MRPL3: variants seen among roughly 807,000 people sequenced by gnomAD.
MRPL3 encodes mitochondrial ribosomal protein L3.
A neutral mutation model predicts 44.3 loss-of-function variants in MRPL3; 43 were observed. The ratio of observed to expected loss-of-function variants is 0.97; its 90% CI spans 0.76 to 1.25. The LOEUF (loss-of-function observed/expected upper bound fraction) is 1.25. MRPL3 is among the 50% of genes most tolerant of loss of function. The pLI, the probability that MRPL3 is intolerant of heterozygous loss-of-function variation, is 0.00. For missense variants in MRPL3, 406 were observed against 427.6 expected (o/e 0.95, Z 0.45); for synonymous variants, 171 against 152.3 (o/e 1.12, Z -0.91).
Position 131,502,906 on chromosome 3 carries a change from G to T in MRPL3, c.-85C>A. On this transcript the variant is annotated 5_prime_UTR_variant, in exon 1 of 10. Transcript: ENST00000264995. ...GGAGTCCCCACGCCACCGCCACGTG[G>T]ACGCAGTAGCCGTGGGGAAGTTTTC... The T allele has an allele frequency of 7.9e-7, 1 of 1,271,106 alleles. No individual in the cohort carries two copies. Among genetic ancestry groups the T allele is most frequent in the Non-Finnish European group, 1.1e-6 (1 of 888,706 alleles). 78.7% of individuals were successfully genotyped at this position (1,271,106 alleles called of 1,614,324 possible).
At chr3:131,493,591 T>C (rs1055797432) in intron 4 of MRPL3, among the ~76,000 whole-genome samples, 3 of 152,190 alleles carry the variant, frequency 2.0e-5, no homozygotes, top group East Asian at 1.9e-4. Context: ...AAACAGAAGA[T>C]AAAGGACAGG....
chr3:131,502,003 C>A, intron 1 of MRPL3: 1 of 1,154,636 alleles, frequency 8.7e-7, no homozygotes, highest in South Asian at 1.4e-5. Context: ...CATGAAAAGC[C>A]ACTAACCCAT....
At chr3:131,487,636 T>G (rs766187577) in intron 6 of MRPL3, 44 bp downstream of exon 6, 1 of 1,438,682 alleles carries the variant, frequency 7.0e-7, no homozygotes, top group Admixed American at 1.8e-5. Flanking sequence ...TCTCTTTTAA[T>G]AGATGAAAAC....
intron 8 of MRPL3, 129 bp downstream of exon 8, chr3:131,469,567 A>C: frequency 3.4e-6 from 2 of 590,572 alleles, no homozygotes; most frequent in East Asian, 3.0e-5. Flanking sequence ...CAATTCATGT[A>C]TCCTCTTTTC....
At chr3:131,487,652 G>A in intron 6 of MRPL3, 28 bp downstream of exon 6, 1 of 1,571,544 alleles carries the variant, frequency 6.4e-7, no homozygotes, top group Non-Finnish European at 8.7e-7. Context: ...AAAACAAAAG[G>A]AAAAGAGAAC....
At chr3:131,502,194 T>C (rs556782297) in intron 1 of MRPL3, among the ~76,000 whole-genome samples, 6 of 152,300 alleles carry the variant, frequency 3.9e-5, no homozygotes, top group South Asian at 2.1e-4. Flanking sequence ...CAGGTGAACA[T>C]ACCAAGAAAG....
intron 6 of MRPL3, among the ~76,000 whole-genome samples, chr3:131,472,149 G>C (rs1933756664): frequency 6.6e-6 from 1 of 152,040 alleles, no homozygotes; most frequent in South Asian, 2.1e-4. Context: ...TAATGTGTTA[G>C]GCAGCAATAG....
chr3:131,500,192 TA>T (rs138952618), intron 3 of MRPL3, among the ~76,000 whole-genome samples: 10 of 151,754 alleles, frequency 6.6e-5, no homozygotes, highest in African/African-American at 2.2e-4. Flanking sequence ...AGGTTATACT[TA>T]AAAAAAAATT....
chr3:131,480,733 T>A (rs981837558), intron 6 of MRPL3, among the ~76,000 whole-genome samples: 3 of 152,212 alleles, frequency 2.0e-5, no homozygotes, highest in African/African-American at 7.2e-5. Context: ...ACACAAATTT[T>A]CTGAAGGTCT....
rs1187063475 is a variant in MRPL3 at position 131,464,514 on chromosome 3, T to C, written c.895-1639A>G. Reference sequence around the variant, plus strand: ...AAGACTCCCTCAATTATCTACCTCATTCTTTTTATGTCTATCAGCAAACCA... The same window carrying C: ...AAGACTCCCTCAATTATCTACCTCACTCTTTTTATGTCTATCAGCAAACCA... On this transcript the variant is annotated intron_variant, in intron 9 of 9. Coordinates refer to ENST00000264995, the MANE Select transcript of MRPL3 (RefSeq NM_007208.4). 2.6e-5 allele frequency among the ~76,000 whole-genome samples: 4 copies of C among 152,248 alleles called. No homozygotes were observed. In the East Asian group the frequency reaches 7.7e-4, roughly 29 times the overall value.
At chr3:131,502,363 T>C (rs953584143) in intron 1 of MRPL3, among the ~76,000 whole-genome samples, 1 of 152,196 alleles carries the variant, frequency 6.6e-6, no homozygotes, top group Non-Finnish European at 1.5e-5. Context: ...TTGGGCAAAT[T>C]AACTCACCTC....
intron 6 of MRPL3, among the ~76,000 whole-genome samples, chr3:131,477,194 T>C (rs1582706478): frequency 6.6e-6 from 1 of 152,228 alleles, no homozygotes; most frequent in South Asian, 2.1e-4. Flanking sequence ...TACTTGTCTA[T>C]GGGGATAAAA....
rs190276823 is a variant in MRPL3, at chr3:131,483,917, T to C, written c.629+3763A>G. 3.9e-5 allele frequency among the ~76,000 whole-genome samples: 6 copies of C among 152,296 alleles called. No individual in the cohort carries two copies. In the South Asian group the frequency reaches 8.3e-4, roughly 21 times the overall value. On this transcript the variant is annotated intron_variant, in intron 6 of 9. Coordinates refer to ENST00000264995, the MANE Select transcript of MRPL3 (RefSeq NM_007208.4). ...CTAGTACTAAAAATATAAGTGAAGA[T>C]TGATAATTAAAATACATTACAGCAT... is the stretch of plus-strand genomic sequence containing the variant.
At chr3:131,495,551 C>T (rs578205010) in intron 4 of MRPL3, among the ~76,000 whole-genome samples, 7 of 152,218 alleles carry the variant, frequency 4.6e-5, no homozygotes, top group African/African-American at 1.7e-4. Flanking sequence ...AACATTAGAA[C>T]ACAACATCCA....
chr3:131,479,231 C>T (rs781464643), intron 6 of MRPL3: 4 of 512,156 alleles, frequency 7.8e-6, no homozygotes, highest in African/African-American at 1.9e-5. Context: ...TACGAGTATG[C>T]CCTCCAAATT....
intron 1 of MRPL3, chr3:131,502,028 T>A: frequency 1.1e-6 from 1 of 889,506 alleles, no homozygotes; most frequent in Non-Finnish European, 1.7e-6. Context: ...AAGTGTACCT[T>A]AATAGTTTTA....
chr3:131,475,266 A>G (rs1933831441), intron 6 of MRPL3, among the ~76,000 whole-genome samples: 2 of 152,212 alleles, frequency 1.3e-5, no homozygotes, highest in African/African-American at 4.8e-5. Context: ...TTATTTCCAC[A>G]AGGACTTTGC....
At chr3:131,478,920 T>C (rs968282999) in intron 6 of MRPL3, among the ~76,000 whole-genome samples, 1 of 152,072 alleles carries the variant, frequency 6.6e-6, no homozygotes, top group African/African-American at 2.4e-5. Context: ...CTCAAACTCC[T>C]GGCCTCAAGT....
chr3:131,477,359 C>T (rs1490078274), intron 6 of MRPL3, among the ~76,000 whole-genome samples: 1 of 152,132 alleles, frequency 6.6e-6, no homozygotes, highest in Non-Finnish European at 1.5e-5. Context: ...CATATCCCTC[C>T]TCGTCTTTCA....
Sources: allele counts gnomAD v4.1 joint callset (sites outside exome capture counted in the v4.1 genomes callset), GRCh38; gene constraint gnomAD v4.1.1; transcripts MANE v1.5; gene names NCBI Gene and HGNC (gene_info 2026-07-23, HGNC 2026-07-21).